CLDN16: variants seen among roughly 807,000 people sequenced by gnomAD.
CLDN16 encodes the protein claudin 16.
In CLDN16, 13 loss-of-function variants were observed where a neutral mutation model predicts 24.6. The observed-to-expected ratio is 0.53, with a 90% CI of 0.34 to 0.84. The LOEUF (loss-of-function observed/expected upper bound fraction) is 0.84. Among genes scored for constraint, CLDN16 ranks in the 40% least tolerant of loss-of-function variants. The pLI is 0.01. For synonymous variants in CLDN16, 116 were observed against 106.7 expected, an observed-to-expected ratio of 1.09 and a Z score of -0.54; for missense variants, 298 against 292.7, an observed-to-expected ratio of 1.02 and a Z score of -0.13.
At chr3:190,291,292 G>A in the CLDN16 span, among the ~76,000 whole-genome samples, 1 of 152,150 alleles carries the variant, frequency 6.6e-6, no homozygotes, top group Admixed American at 6.6e-5. Context: ...AACTCCCCAA[G>A]ACTGGGTAAA....
intron 1 of CLDN16, among the ~76,000 whole-genome samples, chr3:190,328,335 C>A (rs111883871): frequency 0.031 from 4,767 of 152,170 alleles, 115 homozygotes; most frequent in South Asian, 0.081. Flanking sequence ...AAGACAGAAT[C>A]TAGGATATGA....
chr3:190,404,126 A>G (rs1427957708), intron 2 of CLDN16, among the ~76,000 whole-genome samples: 3 of 152,188 alleles, frequency 2.0e-5, no homozygotes, highest in Non-Finnish European at 4.4e-5. Flanking sequence ...ATGGCCTAAT[A>G]TGTAATATTG....
the CLDN16 span, among the ~76,000 whole-genome samples, chr3:190,294,326 C>A: frequency 3.7e-4 from 57 of 152,206 alleles, no homozygotes; most frequent in East Asian, 8.9e-3. Context: ...GTGTTCAGAG[C>A]ACACCACATG....
At chr3:190,331,218 C>G (rs1006241916) in intron 1 of CLDN16, among the ~76,000 whole-genome samples, 1 of 152,186 alleles carries the variant, frequency 6.6e-6, no homozygotes, top group Non-Finnish European at 1.5e-5. Flanking sequence ...TGAATGCAAA[C>G]AGTGATGTCT....
At chr3:190,297,963 C>T in the CLDN16 span, among the ~76,000 whole-genome samples, 7 of 151,852 alleles carry the variant, frequency 4.6e-5, no homozygotes, top group East Asian at 1.4e-3. Context: ...TGATGGACAG[C>T]AACGTGGCCA....
chr3:190,294,577 A>G, the CLDN16 span, among the ~76,000 whole-genome samples: 1 of 152,156 alleles, frequency 6.6e-6, no homozygotes, highest in Non-Finnish European at 1.5e-5. Context: ...TGTCCTGTTT[A>G]AACAATTAAC....
intron 3 of CLDN16, among the ~76,000 whole-genome samples, chr3:190,375,130 G>T (rs139368354): frequency 6.6e-6 from 1 of 151,976 alleles, no homozygotes; most frequent in Non-Finnish European, 1.5e-5. Context: ...CAGAAGGGAT[G>T]TTTAAACTCC....
At position 190,350,344 on chromosome 3, in the gene CLDN16, T is replaced by TTATATATATA. The variant is rs10563626; in HGVS notation, n.122-20536_122-20527dup. Among the ~76,000 whole-genome samples the TTATATATATA allele has an allele frequency of 2.9e-3, 405 of 142,048 alleles. 7 individuals are homozygous for TTATATATATA. Among genetic ancestry groups the TTATATATATA allele is most frequent in the African/African-American group, 9.6e-3 (372 of 38,790 alleles). 93.2% of individuals were successfully genotyped at this position (142,048 alleles called of 152,430 possible). ...AGTTTAAGAATCATAGTTCATAATGTTATATATATATATATATATATACTT... is the reference window on the plus strand; with the variant it reads ...AGTTTAAGAATCATAGTTCATAATGTTATATATATATATATATATATATATATATATACTT... On this transcript the variant is annotated intron_variant and non_coding_transcript_variant, in intron 1 of 4. Coordinates refer to the CLDN16 transcript ENST00000468220.
intron 1 of CLDN16, among the ~76,000 whole-genome samples, chr3:190,333,081 C>T (rs1560080371): frequency 6.6e-6 from 1 of 152,206 alleles, no homozygotes; most frequent in East Asian, 1.9e-4. Context: ...AGCTATCAGA[C>T]CATACCCAAA....
At chr3:190,364,309 G>A (rs1046524604) in intron 1 of CLDN16, among the ~76,000 whole-genome samples, 4 of 151,870 alleles carry the variant, frequency 2.6e-5, no homozygotes, top group African/African-American at 9.7e-5. Flanking sequence ...GTATGGCTTG[G>A]GAGTCTGGAT....
chr3:190,382,595 C>T (rs2108654336), intron 3 of CLDN16, among the ~76,000 whole-genome samples: 1 of 152,184 alleles, frequency 6.6e-6, no homozygotes, highest in Non-Finnish European at 1.5e-5. Flanking sequence ...GACCATTTCC[C>T]TTTCAGTCAG....
intron 2 of CLDN16, among the ~76,000 whole-genome samples, chr3:190,371,571 C>A (rs753530526): frequency 2.6e-5 from 4 of 152,038 alleles, no homozygotes; most frequent in Non-Finnish European, 5.9e-5. Context: ...AAATTACATT[C>A]CCAGCCTGTT....
chr3:190,376,724 C>T (rs373555568), intron 3 of CLDN16, among the ~76,000 whole-genome samples: 14 of 151,880 alleles, frequency 9.2e-5, no homozygotes, highest in Admixed American at 6.6e-5. Flanking sequence ...TTTCTCTGCC[C>T]ATAAAGAATT....
intron 1 of CLDN16, among the ~76,000 whole-genome samples, chr3:190,359,472 T>C (rs538521306): frequency 6.6e-6 from 1 of 152,208 alleles, no homozygotes; most frequent in East Asian, 1.9e-4. Flanking sequence ...CAGTTGTTTC[T>C]AAAGGTAAAT....
intron 1 of CLDN16, among the ~76,000 whole-genome samples, chr3:190,391,208 G>GTT (rs57481102): frequency 0.18 from 24,176 of 135,596 alleles, 2,550 homozygotes; most frequent in Middle Eastern, 0.26. Flanking sequence ...TACTTTTCCA[G>GTT]TTTTTTTTTT....
At chr3:190,335,078 C>T (rs1389604520) in intron 1 of CLDN16, among the ~76,000 whole-genome samples, 3 of 123,298 alleles carry the variant, frequency 2.4e-5, no homozygotes, top group Non-Finnish European at 3.4e-5. Context: ...GAGTTTTGCT[C>T]TGTTGCCCTG....
At chr3:190,366,611 T>C (rs1718030085) in intron 1 of CLDN16, among the ~76,000 whole-genome samples, 1 of 151,932 alleles carries the variant, frequency 6.6e-6, no homozygotes, top group South Asian at 2.1e-4. Flanking sequence ...AAGTTAAACT[T>C]TGATACACTT....
chr3:190,297,961 A>T, the CLDN16 span, among the ~76,000 whole-genome samples: 1 of 151,894 alleles, frequency 6.6e-6, no homozygotes, highest in South Asian at 2.1e-4. Context: ...TTTGATGGAC[A>T]GCAACGTGGC....
At chr3:190,372,702 G>T (rs1386494850) in intron 2 of CLDN16, among the ~76,000 whole-genome samples, 1 of 151,982 alleles carries the variant, frequency 6.6e-6, no homozygotes, top group Non-Finnish European at 1.5e-5. Context: ...TTGTGAACCT[G>T]TGTAATGTGG....
Sources: allele counts gnomAD v4.1 joint callset (sites outside exome capture counted in the v4.1 genomes callset), GRCh38; gene constraint gnomAD v4.1.1; transcripts MANE v1.5; gene names NCBI Gene and HGNC (gene_info 2026-07-23, HGNC 2026-07-21).